The following PTPRM variants were observed in gnomAD, a reference collection of about 807,000 sequenced individuals.
PTPRM encodes receptor-type tyrosine-protein phosphatase mu.
PTPRM carries 47 observed loss-of-function variants against 186.7 expected under a neutral mutation model. That is an observed-to-expected ratio of 0.25 (90% CI 0.20 to 0.32). The LOEUF is 0.32. PTPRM is among the 10% of genes least tolerant of loss of function. The pLI, the probability that PTPRM is intolerant of heterozygous loss-of-function variation, is 1.00. For missense variants in PTPRM, 1,494 were observed against 1,865.0 expected, an observed-to-expected ratio of 0.80 and a Z score of 3.66; for synonymous variants, 668 against 674.9, an observed-to-expected ratio of 0.99 and a Z score of 0.16.
chr18:8,167,836 C>G (rs1045024146), intron 14 of PTPRM, among the ~76,000 whole-genome samples: 1 of 152,198 alleles, frequency 6.6e-6, no homozygotes, highest in African/African-American at 2.4e-5. Context: ...CTGTTCTTTG[C>G]CCCTGATGAT....
chr18:8,301,171 T>A (rs939562081), intron 20 of PTPRM, among the ~76,000 whole-genome samples: 1 of 152,210 alleles, frequency 6.6e-6, no homozygotes, highest in Non-Finnish European at 1.5e-5. Flanking sequence ...AACACAGAAG[T>A]GGTGTAATGA....
At chr18:8,117,079 C>T (rs1403525240) in intron 13 of PTPRM, among the ~76,000 whole-genome samples, 2 of 152,152 alleles carry the variant, frequency 1.3e-5, no homozygotes, top group East Asian at 3.9e-4. Context: ...ATTCATCAAC[C>T]CTCCTTTCAG....
chr18:7,891,750 C>T (rs1313000641), intron 3 of PTPRM, among the ~76,000 whole-genome samples: 2 of 152,080 alleles, frequency 1.3e-5, no homozygotes, highest in African/African-American at 4.8e-5. Context: ...TGGTGCGTGC[C>T]CGTAGTCCCA....
chr18:7,883,340 A>G (rs1599266438), intron 2 of PTPRM, among the ~76,000 whole-genome samples: 1 of 152,224 alleles, frequency 6.6e-6, no homozygotes, highest in African/African-American at 2.4e-5. Flanking sequence ...AAAATTAAAC[A>G]TTCAGCCATA....
chr18:8,335,243 C>T (rs2095432500), intron 22 of PTPRM, among the ~76,000 whole-genome samples: 1 of 149,136 alleles, frequency 6.7e-6, no homozygotes, highest in South Asian at 2.2e-4. Context: ...CACCCTCCCT[C>T]CCCTCTCCCC....
intron 1 of PTPRM, among the ~76,000 whole-genome samples, chr18:7,730,234 CTA>C (rs10602344): frequency 0.037 from 5,576 of 152,176 alleles, 345 homozygotes; most frequent in African/African-American, 0.13. Flanking sequence ...TGAAAATGAG[CTA>C]TGTCATGTTC....
At chr18:7,813,194 G>A (rs1009714101) in intron 2 of PTPRM, among the ~76,000 whole-genome samples, 4 of 152,310 alleles carry the variant, frequency 2.6e-5, no homozygotes, top group African/African-American at 9.6e-5. Flanking sequence ...ATGAGTGAGG[G>A]GAATGGCAGA....
intron 14 of PTPRM, chr18:8,154,705 T>C (rs2093083474): frequency 6.6e-6 from 1 of 152,236 alleles, no homozygotes; most frequent in Non-Finnish European, 1.5e-5. Flanking sequence ...GTCTGTTCAG[T>C]TCATACTAAT....
chr18:7,587,766 A>G (rs575158350), intron 1 of PTPRM, among the ~76,000 whole-genome samples: 73 of 152,332 alleles, frequency 4.8e-4, no homozygotes, highest in African/African-American at 1.7e-3. Context: ...CCACATATGT[A>G]TAGTTAAACC....
At chr18:7,729,147 A>G (rs1219837678) in intron 1 of PTPRM, among the ~76,000 whole-genome samples, 1 of 151,924 alleles carries the variant, frequency 6.6e-6, no homozygotes, top group Admixed American at 6.6e-5. Flanking sequence ...GTGGGCTCAA[A>G]TGTCCTCCTG....
chr18:7,615,169 C>G (rs535610950), intron 1 of PTPRM, among the ~76,000 whole-genome samples: 2 of 152,062 alleles, frequency 1.3e-5, no homozygotes, highest in South Asian at 4.2e-4. Context: ...TTGATTTTGC[C>G]TAAAACAAAA....
At chr18:8,194,060 T>G (rs1435542965) in intron 14 of PTPRM, among the ~76,000 whole-genome samples, 1 of 152,232 alleles carries the variant, frequency 6.6e-6, no homozygotes, top group Non-Finnish European at 1.5e-5. Flanking sequence ...CAGGGGGCCT[T>G]GAGAGGCCAT....
chr18:8,245,445 T>G (rs1312070282), intron 15 of PTPRM, among the ~76,000 whole-genome samples: 1 of 152,146 alleles, frequency 6.6e-6, no homozygotes, highest in Non-Finnish European at 1.5e-5. Context: ...TCCTGTCATT[T>G]TCAGTGCAGG....
chr18:8,208,361 C>T (rs752526988), intron 14 of PTPRM, among the ~76,000 whole-genome samples: 5 of 152,152 alleles, frequency 3.3e-5, no homozygotes, highest in Non-Finnish European at 4.4e-5. Context: ...ACAAAATTAA[C>T]AAAATCTCTC....
intron 2 of PTPRM, among the ~76,000 whole-genome samples, chr18:7,877,566 G>A (rs1266357786): frequency 6.6e-6 from 1 of 152,152 alleles, no homozygotes; most frequent in African/African-American, 2.4e-5. Flanking sequence ...CTTTTAAGAA[G>A]TATTTTACGT....
chr18:8,002,351 C>T (rs1483412264), intron 7 of PTPRM, among the ~76,000 whole-genome samples: 1 of 152,172 alleles, frequency 6.6e-6, no homozygotes, highest in Non-Finnish European at 1.5e-5. Flanking sequence ...TAATTCCTTA[C>T]CAGGTATGAT....
Position 7,607,365 on chromosome 18 carries a change from G to A in PTPRM, c.73+39474G>A, listed in dbSNP as rs2037557130. 3.9e-5 allele frequency among the ~76,000 whole-genome samples: 6 copies of A among 152,050 alleles called. No homozygotes were observed. In the South Asian group the frequency reaches 8.3e-4, roughly 21 times the overall value. On this transcript the variant is annotated intron_variant, in intron 1 of 32. Transcript: ENST00000580170. ...CCTGTTGATAAATTGTGATAAGAAC[G>A]ACTGATGTGCTGGGGTGTGCCGAGT...
intron 1 of PTPRM, among the ~76,000 whole-genome samples, chr18:7,697,104 C>T (rs887394602): frequency 6.6e-6 from 1 of 152,142 alleles, no homozygotes; most frequent in African/African-American, 2.4e-5. Flanking sequence ...ACAGCATTAT[C>T]CATATGTGCC....
At position 8,143,775 on chromosome 18, in the gene PTPRM, A is replaced by G. The variant is rs1022805327; in HGVS notation, c.2296A>G (p.Lys766Glu). 3 of 1,614,020 alleles carry G rather than the reference A, an allele frequency of 1.9e-6. No homozygotes were observed. Among genetic ancestry groups the G allele is most frequent in the Non-Finnish European group, 2.5e-6 (3 of 1,179,894 alleles). Residue 766 changes from lysine (K) to glutamate (E), a missense_variant, in exon 14 of 33, where the codon AAA (lysine) becomes GAA (glutamate). This residue lies in a region of PTPRM where 1,107 missense variants were observed against 1,350.2 expected (regional missense o/e 0.82). Transcript: ENST00000580170. ...IFLGVVLVMK[K>E]RKLAKKRKET... ...TCTTGGAGTTGTGTTGGTAATGAAG[A>G]AAAGGTGAGCTCCTAGCTGTTGCCA...
Sources: gnomAD v4.1 joint callset for allele counts (sites outside exome capture counted in the v4.1 genomes callset) on GRCh38, gnomAD v4.1.1 for gene constraint, gnomAD v4.1.1 regional missense constraint, MANE v1.5 for transcripts, NCBI Gene and HGNC (gene_info 2026-07-23, HGNC 2026-07-21) for gene names.